Variants in KCNAB2 observed in about 807,000 individuals in gnomAD.
The protein encoded by KCNAB2 is potassium voltage-gated channel subfamily A regulatory beta subunit 2.
Under a neutral mutation model 63.6 loss-of-function variants are expected in KCNAB2, and 29 were observed. That is an observed-to-expected ratio of 0.46 (90% CI 0.34 to 0.62). KCNAB2 has a LOEUF of 0.62. Among genes scored for constraint, KCNAB2 ranks in the 20% least tolerant of loss-of-function variants. The pLI is 0.01. For missense variants in KCNAB2, 359 were observed against 563.9 expected (o/e 0.64, Z 3.68); for synonymous variants, 222 against 224.2 (o/e 0.99, Z 0.09).
At chr1:6,058,685 C>T (rs1343721387) in intron 2 of KCNAB2, among the ~76,000 whole-genome samples, 2 of 152,246 alleles carry the variant, frequency 1.3e-5, no homozygotes, top group Non-Finnish European at 2.9e-5. Context: ...CACCTAGTCT[C>T]ACTTAGAGAT....
At chr1:6,097,662 G>C in intron 15 of KCNAB2, 1 of 571,024 alleles carries the variant, frequency 1.8e-6, no homozygotes. Context: ...GTTCAAGGGG[G>C]CCTGTCAGGT....
rs115331150 is a variant in KCNAB2 at position 6,081,497 on chromosome 1, A to G, written c.301-698A>G. Among the ~76,000 whole-genome samples the G allele has an allele frequency of 1.8e-3, 278 of 152,362 alleles. 2 individuals carry two copies. Among genetic ancestry groups the G allele is most frequent in the Non-Finnish European group, 3.6e-3 (245 of 68,026 alleles). On this transcript the variant is annotated intron_variant, in intron 4 of 15. Transcript: ENST00000378083. Reference sequence around the variant, plus strand: ...GCCTTGGTTTCCTAGGACTGCTGTAACAAAGTAACATAACCTGGGGGCCTG... The same window carrying G: ...GCCTTGGTTTCCTAGGACTGCTGTAGCAAAGTAACATAACCTGGGGGCCTG...
intron 1 of KCNAB2, among the ~76,000 whole-genome samples, chr1:6,049,074 T>A (rs1195445102): frequency 2.0e-5 from 3 of 152,192 alleles, no homozygotes; most frequent in African/African-American, 4.8e-5. Flanking sequence ...CAGTGGTGAA[T>A]GCAACTCCTG....
intron 1 of KCNAB2, among the ~76,000 whole-genome samples, chr1:5,997,745 T>C (rs1182810327): frequency 6.6e-6 from 1 of 152,214 alleles, no homozygotes; most frequent in African/African-American, 2.4e-5. Context: ...AAAGTGATAT[T>C]CTTGCCACCC....
chr1:6,076,587 A>G (rs188895356), intron 4 of KCNAB2, among the ~76,000 whole-genome samples: 3 of 152,330 alleles, frequency 2.0e-5, no homozygotes, highest in East Asian at 3.9e-4. Flanking sequence ...AGTTCAGGGA[A>G]GCTGAGCCTC....
chr1:6,039,588 G>A (rs1570928244), intron 1 of KCNAB2, among the ~76,000 whole-genome samples: 1 of 152,140 alleles, frequency 6.6e-6, no homozygotes. Context: ...GAGATCTCCT[G>A]GTTCTTGTGG....
At chr1:5,998,711 G>C (rs1386529638) in intron 1 of KCNAB2, among the ~76,000 whole-genome samples, 1 of 152,208 alleles carries the variant, frequency 6.6e-6, no homozygotes, top group Non-Finnish European at 1.5e-5. Flanking sequence ...TGTTGAGAGG[G>C]GAAGCAGAGC....
chr1:6,004,252 G>A (rs1269188692), intron 1 of KCNAB2, among the ~76,000 whole-genome samples: 2 of 149,444 alleles, frequency 1.3e-5, no homozygotes, highest in Admixed American at 6.7e-5. Context: ...TAAGAGACAC[G>A]ATCTTGCTGT....
intron 4 of KCNAB2, among the ~76,000 whole-genome samples, chr1:6,079,710 G>C (rs1664036449): frequency 6.6e-6 from 1 of 152,190 alleles, no homozygotes; most frequent in Admixed American, 6.5e-5. Flanking sequence ...GCTGGGGCTG[G>C]AGGCAGGGAG....
chr1:6,063,514 A>G (rs550989672), intron 2 of KCNAB2, among the ~76,000 whole-genome samples: 2 of 151,402 alleles, frequency 1.3e-5, no homozygotes, highest in East Asian at 2.0e-4. Flanking sequence ...AGTTCAAGCA[A>G]TTCTCCTGCC....
At chr1:6,014,272 T>C (rs1658359440) in intron 1 of KCNAB2, among the ~76,000 whole-genome samples, 1 of 152,138 alleles carries the variant, frequency 6.6e-6, no homozygotes, top group Non-Finnish European at 1.5e-5. Context: ...CGCCATCCAA[T>C]GTCCAGCTTC....
chr1:6,051,969 G>A (rs905505406), intron 2 of KCNAB2, among the ~76,000 whole-genome samples: 7 of 152,070 alleles, frequency 4.6e-5, no homozygotes, highest in African/African-American at 1.7e-4. Context: ...AGGCATAGTG[G>A]GGCGCACCTG....
intron 9 of KCNAB2, 36 bp downstream of exon 9, chr1:6,090,511 G>C (rs1347770901): frequency 1.3e-6 from 2 of 1,551,022 alleles, no homozygotes; most frequent in South Asian, 2.2e-5. Flanking sequence ...GGTTAGGCCT[G>C]GGCGGGGTCT....
At chr1:6,057,698 C>T (rs1000451213) in intron 2 of KCNAB2, among the ~76,000 whole-genome samples, 6 of 152,188 alleles carry the variant, frequency 3.9e-5, no homozygotes, top group Non-Finnish European at 8.8e-5. Context: ...TCCGAAGGCC[C>T]CAGGGAGGGT....
chr1:6,015,138 T>G (rs1050044677), intron 1 of KCNAB2, among the ~76,000 whole-genome samples: 1 of 151,428 alleles, frequency 6.6e-6, no homozygotes, highest in African/African-American at 2.4e-5. Flanking sequence ...TTCAAGTGAT[T>G]CTCCTGCCTC....
At chr1:6,012,120 T>G (rs1391634999) in intron 1 of KCNAB2, among the ~76,000 whole-genome samples, 2 of 128,002 alleles carry the variant, frequency 1.6e-5, no homozygotes, top group East Asian at 2.4e-4. Flanking sequence ...GTGGAGGTGA[T>G]GAAGGTGGAG....
rs550137620 is a variant in KCNAB2 at position 6,026,647 on chromosome 1, A to G, written c.-52-13870A>G. 2.0e-3 allele frequency among the ~76,000 whole-genome samples: 309 copies of G among 152,288 alleles called. 1 individual carries two copies. The highest frequency in any genetic ancestry group is 7.0e-3 in the African/African-American group (293 of 41,566). On this transcript the variant is annotated intron_variant, in intron 1 of 16. Transcript: ENST00000341524. ...GCTGACCCCAAAGACACCCTGCCCA[A>G]CGCAGCCCGGCCCTTCACTGCTTCC...
intron 10 of KCNAB2, among the ~76,000 whole-genome samples, chr1:6,092,696 A>AC (rs1422053861): frequency 2.6e-5 from 4 of 152,228 alleles, no homozygotes; most frequent in Admixed American, 2.0e-4. Context: ...CCAACCAGGC[A>AC]CTTCCTGAGG....
At chr1:6,038,411 C>A (rs1660225346) in intron 1 of KCNAB2, among the ~76,000 whole-genome samples, 1 of 152,198 alleles carries the variant, frequency 6.6e-6, no homozygotes, top group East Asian at 1.9e-4. Flanking sequence ...CCACCTCAGC[C>A]TCCCGAGTAG....
Sources: gnomAD v4.1 joint callset for allele counts (sites outside exome capture counted in the v4.1 genomes callset) on GRCh38, gnomAD v4.1.1 for gene constraint, MANE v1.5 for transcripts, NCBI Gene and HGNC (gene_info 2026-07-23, HGNC 2026-07-21) for gene names.